Variants in ZDHHC14 observed in about 807,000 individuals in gnomAD.
ZDHHC14 encodes palmitoyltransferase ZDHHC14.
Under a neutral mutation model 47.7 loss-of-function variants are expected in ZDHHC14, and 16 were observed. The observed-to-expected ratio is 0.34, with a 90% CI of 0.23 to 0.51. ZDHHC14 has a LOEUF of 0.51. Among genes scored for constraint, ZDHHC14 ranks in the 20% least tolerant of loss-of-function variants. The probability of loss-of-function intolerance (pLI) is 0.97; values close to 1 mark genes in which losing one functional copy is unlikely to be tolerated. For synonymous variants in ZDHHC14, 293 were observed against 278.9 expected (o/e 1.05, Z -0.50); for missense variants, 515 against 662.5 (o/e 0.78, Z 2.44).
intron 8 of ZDHHC14, among the ~76,000 whole-genome samples, chr6:157,668,997 G>A (rs1778674903): frequency 6.6e-6 from 1 of 152,206 alleles, no homozygotes; most frequent in African/African-American, 2.4e-5. Context: ...CAGAGAACGA[G>A]GCCTTGGAAA....
intron 1 of ZDHHC14, among the ~76,000 whole-genome samples, chr6:157,456,738 G>A (rs1051143656): frequency 2.0e-5 from 3 of 152,120 alleles, no homozygotes; most frequent in Non-Finnish European, 2.9e-5. Context: ...GATTGAAGAA[G>A]AATTTTACAA....
chr6:157,607,205 A>G (rs1263395713), intron 3 of ZDHHC14, among the ~76,000 whole-genome samples: 3 of 152,138 alleles, frequency 2.0e-5, no homozygotes, highest in Non-Finnish European at 2.9e-5. Context: ...TTCATCACAC[A>G]CACAAGAAAT....
At chr6:157,513,250 T>G (rs934788464) in intron 1 of ZDHHC14, among the ~76,000 whole-genome samples, 5 of 152,172 alleles carry the variant, frequency 3.3e-5, no homozygotes, top group African/African-American at 4.8e-5. Flanking sequence ...TCAGCACCAT[T>G]CTCCTCCTCT....
chr6:157,599,265 A>C (rs144091883), intron 3 of ZDHHC14, among the ~76,000 whole-genome samples: 3,242 of 152,310 alleles, frequency 0.021, 128 homozygotes, highest in African/African-American at 0.074. Context: ...GGAACAGTGG[A>C]GGAGGCTGGG....
chr6:157,595,466 C>T (rs966806658), intron 3 of ZDHHC14, among the ~76,000 whole-genome samples: 3 of 152,106 alleles, frequency 2.0e-5, no homozygotes, highest in African/African-American at 7.2e-5. Context: ...GCTGGGATTA[C>T]AGATGTGAGC....
At chr6:157,436,966 G>C (rs1778452602) in intron 1 of ZDHHC14, among the ~76,000 whole-genome samples, 1 of 152,084 alleles carries the variant, frequency 6.6e-6, no homozygotes, top group African/African-American at 2.4e-5. Flanking sequence ...TGGGGTTGTG[G>C]AGGAGGCCTT....
At chr6:157,494,295 C>T (rs1378923317) in intron 1 of ZDHHC14, among the ~76,000 whole-genome samples, 1 of 152,138 alleles carries the variant, frequency 6.6e-6, no homozygotes, top group African/African-American at 2.4e-5. Flanking sequence ...GATGGGAGAT[C>T]AGCCGTCCTT....
chr6:157,485,054 G>A (rs898789926), intron 1 of ZDHHC14, among the ~76,000 whole-genome samples: 3 of 151,906 alleles, frequency 2.0e-5, no homozygotes, highest in Non-Finnish European at 4.4e-5. Context: ...ACGAGATCGC[G>A]CCACCGCACT....
At chr6:157,604,756 C>G (rs1245970020) in intron 3 of ZDHHC14, among the ~76,000 whole-genome samples, 1 of 152,144 alleles carries the variant, frequency 6.6e-6, no homozygotes, top group Non-Finnish European at 1.5e-5. Flanking sequence ...ATTGGTCAGG[C>G]TGGTCTCGAA....
intron 5 of ZDHHC14, among the ~76,000 whole-genome samples, chr6:157,635,129 G>GATT (rs1776910806): frequency 6.6e-6 from 1 of 152,206 alleles, no homozygotes; most frequent in Non-Finnish European, 1.5e-5. Flanking sequence ...GAGTAGCTGG[G>GATT]ATTACAGGTG....
chr6:157,613,277 C>T (rs1357175673), intron 3 of ZDHHC14, among the ~76,000 whole-genome samples: 2 of 152,224 alleles, frequency 1.3e-5, no homozygotes, highest in Non-Finnish European at 2.9e-5. Flanking sequence ...GGATCCAGTG[C>T]ACAGAGATGC....
intron 8 of ZDHHC14, among the ~76,000 whole-genome samples, chr6:157,654,361 T>C (rs901589229): frequency 1.3e-5 from 2 of 152,138 alleles, no homozygotes; most frequent in Non-Finnish European, 2.9e-5. Flanking sequence ...TGGAAGGCAA[T>C]GGCCTCTCTT....
chr6:157,458,984 A>G (rs953589908), intron 1 of ZDHHC14, among the ~76,000 whole-genome samples: 1 of 150,642 alleles, frequency 6.6e-6, no homozygotes, highest in African/African-American at 2.4e-5. Context: ...CCTCCCAAGT[A>G]GATTACAGGC....
chr6:157,462,194 C>G (rs1320815110), intron 1 of ZDHHC14, among the ~76,000 whole-genome samples: 1 of 152,186 alleles, frequency 6.6e-6, no homozygotes. Context: ...AGCTCTTTTT[C>G]TTACTTACCC....
intron 1 of ZDHHC14, among the ~76,000 whole-genome samples, chr6:157,393,949 C>T (rs1777471437): frequency 6.6e-6 from 1 of 152,196 alleles, no homozygotes; most frequent in Non-Finnish European, 1.5e-5. Flanking sequence ...CTGTCCCCTG[C>T]TTAGAGCACC....
At chr6:157,619,009 T>C (rs749710313) in intron 3 of ZDHHC14, among the ~76,000 whole-genome samples, 2 of 152,198 alleles carry the variant, frequency 1.3e-5, no homozygotes, top group Non-Finnish European at 2.9e-5. Flanking sequence ...TCTTTGTTTC[T>C]ACCCAGCAGA....
intron 1 of ZDHHC14, among the ~76,000 whole-genome samples, chr6:157,443,231 G>T (rs1328235308): frequency 2.6e-5 from 4 of 152,316 alleles, no homozygotes; most frequent in African/African-American, 9.6e-5. Flanking sequence ...AGAAGGTGCT[G>T]CTTCCCCTTC....
chr6:157,414,132 A>G (rs561400965), intron 1 of ZDHHC14, among the ~76,000 whole-genome samples: 6 of 152,230 alleles, frequency 3.9e-5, no homozygotes, highest in Admixed American at 3.3e-4. Flanking sequence ...GAGTTTCACC[A>G]TGTTGGCCAG....
chr6:157,619,052 C>T (rs898789336), intron 3 of ZDHHC14, among the ~76,000 whole-genome samples: 1 of 152,004 alleles, frequency 6.6e-6, no homozygotes, highest in Non-Finnish European at 1.5e-5. Context: ...TTCAGAATGC[C>T]GGCCTCTGCA....
Sources: allele counts gnomAD v4.1 joint callset (sites outside exome capture counted in the v4.1 genomes callset), GRCh38; gene constraint gnomAD v4.1.1; transcripts MANE v1.5; gene names NCBI Gene and HGNC (gene_info 2026-07-23, HGNC 2026-07-21).